CHD5: variants seen among roughly 807,000 people sequenced by gnomAD.
CHD5 encodes the protein ATP-dependent chromatin remodeler CHD5.
CHD5 carries 69 observed loss-of-function variants against 230.3 expected under a neutral mutation model. The ratio of observed to expected loss-of-function variants is 0.30; its 90% CI spans 0.25 to 0.37. CHD5 has a LOEUF of 0.37. CHD5 is among the 10% of genes least tolerant of loss of function. The pLI is 1.00. For synonymous variants in CHD5, 1,064 were observed against 1,065.9 expected (o/e 1.00, Z 0.03); for missense variants, 1,827 against 2,622.8 (o/e 0.70, Z 6.63).
Position 6,156,029 on chromosome 1 carries a change from G to A in CHD5, c.388-312C>T, listed in dbSNP as rs79074194. ...AGAAAGGGAAATCAGCCAGGTGTGG[G>A]CAAGGAGACTGGATGCCTGAGACCA... On this transcript the variant is annotated intron_variant, in intron 3 of 41. Transcript: ENST00000262450. 2.5e-3 allele frequency among the ~76,000 whole-genome samples: 374 copies of A among 152,348 alleles called. 4 individuals carry two copies. Among genetic ancestry groups the A allele is most frequent in the African/African-American group, 8.7e-3 (361 of 41,582 alleles).
intron 1 of CHD5, among the ~76,000 whole-genome samples, chr1:6,178,993 C>T (rs910929685): frequency 6.6e-6 from 1 of 152,206 alleles, no homozygotes; most frequent in African/African-American, 2.4e-5. Flanking sequence ...GTAAGAGTCT[C>T]CCAGAAAGGA....
At chr1:6,106,864 G>GA (rs2100826139) in intron 38 of CHD5, 85 bp from the exon 39 acceptor site, 2 of 549,612 alleles carry the variant, frequency 3.6e-6, no homozygotes, top group East Asian at 6.9e-5. Flanking sequence ...GGATGGAGGG[G>GA]TGGAGGGGTG....
In CHD5 at chr1:6,125,687, G is replaced by C. The variant is rs1666544463; in HGVS notation, c.4172-75C>G. 1 of 1,591,294 alleles carries C rather than the reference G, an allele frequency of 6.3e-7. No homozygotes were observed. The highest frequency in any genetic ancestry group is 1.1e-5 in the South Asian group (1 of 90,620). ...GATCCCCAAGGACAGCGGGACCCCA[G>C]ACCAGCCCCGCTCCTGCTGCCATCA... is the stretch of plus-strand genomic sequence containing the variant. On this transcript the variant is annotated intron_variant, in intron 27 of 41. Coordinates refer to ENST00000262450, the MANE Select transcript of CHD5 (RefSeq NM_015557.3). The surrounding 1 kb of genome is among the most constrained non-coding windows in gnomAD (Gnocchi z 6.7).
At position 6,142,296 on chromosome 1, in the gene CHD5, C is replaced by T. The variant is rs199853430; in HGVS notation, c.2268G>A (p.Ala756=). The T allele has an allele frequency of 5.1e-5, 82 of 1,612,438 alleles. No homozygotes were observed. The Middle Eastern group carries it at 1.8e-3, about 36-fold the overall frequency. ...GHSKGPYLVS[A]PLSTIINWER... Reference sequence around the variant, plus strand: ...CCCAGTTGATGATGGTGGAGAGGGGCGCGCTAACCAGGTAGGGCCCTTTGG... The same window carrying T: ...CCCAGTTGATGATGGTGGAGAGGGGTGCGCTAACCAGGTAGGGCCCTTTGG... The change falls in exon 15 of 42, where the codon GCG becomes GCA. Residue 756 remains alanine (A), a synonymous_variant. Coordinates refer to ENST00000262450, the MANE Select transcript of CHD5 (RefSeq NM_015557.3). This position sits in a 1 kb window ranked among gnomAD's most constrained non-coding sequence, Gnocchi z 5.2.
At chr1:6,117,838 A>G (rs2785581) in intron 33 of CHD5, among the ~76,000 whole-genome samples, 92,369 of 152,020 alleles carry the variant, frequency 0.61, 28,771 homozygotes, top group East Asian at 0.99. Flanking sequence ...CATGCTGGTA[A>G]GAATGTGAAC....
chr1:6,147,674 A>T (rs935221599), intron 9 of CHD5, among the ~76,000 whole-genome samples: 8 of 152,114 alleles, frequency 5.3e-5, no homozygotes, highest in African/African-American at 1.9e-4. Flanking sequence ...TGTCCTCGGA[A>T]ACTCATCCAA....
rs1012198142 is a variant in CHD5 at position 6,102,779 on chromosome 1, C to A, written c.*2695G>T. 1 of 151,992 alleles carries A rather than the reference C, an allele frequency of 6.6e-6. No homozygotes were observed. The highest frequency in any genetic ancestry group is 2.4e-5 in the African/African-American group (1 of 41,374). The allele number at this position is 151,992 out of a possible 1,614,324, so 9.4% of individuals were successfully genotyped here. A position where few individuals can be genotyped will look rare whatever the true frequency, so the allele number is the denominator to read the frequency against. On this transcript the variant is annotated 3_prime_UTR_variant, in exon 42 of 42. Transcript: ENST00000262450. ...CTGCCCCTGGGGGAAGCCAAGTTTG[C>A]AAAAAACGCAGGAGCTTCGGAAGGT...
At chr1:6,157,372 G>A (rs934511229) in intron 3 of CHD5, among the ~76,000 whole-genome samples, 8 of 152,364 alleles carry the variant, frequency 5.3e-5, no homozygotes, top group South Asian at 2.1e-4. Flanking sequence ...TCAGCCATGA[G>A]GGTGCCTGGC....
At chr1:6,108,953 T>C (rs551970989) in intron 38 of CHD5, among the ~76,000 whole-genome samples, 7 of 151,576 alleles carry the variant, frequency 4.6e-5, no homozygotes, top group African/African-American at 1.2e-4. Flanking sequence ...CCAGGGGAGG[T>C]AGCCCGAGAG....
chr1:6,151,904 G>A (rs10864393), intron 6 of CHD5, among the ~76,000 whole-genome samples: 62,276 of 151,938 alleles, frequency 0.41, 14,920 homozygotes, highest in East Asian at 0.67. Context: ...TAAGACCTGG[G>A]CTTAGTGTCT....
At position 6,113,014 on chromosome 1, in the gene CHD5, G is replaced by T; in HGVS notation, c.4913-16C>A. 2 of 1,588,188 alleles carry T rather than the reference G, an allele frequency of 1.3e-6. No homozygotes were observed. The highest frequency in any genetic ancestry group is 8.6e-7 in the Non-Finnish European group (1 of 1,157,030). Reference sequence around the variant, plus strand: ...AGCACCTCCTCTGCAAGAAAAAGAGGGTTCGCGGCATGGGGTGGGGTCCCA... The same window carrying T: ...AGCACCTCCTCTGCAAGAAAAAGAGTGTTCGCGGCATGGGGTGGGGTCCCA... On this transcript the variant is annotated splice_polypyrimidine_tract_variant and intron_variant, in intron 33 of 41. Coordinates refer to ENST00000262450, the MANE Select transcript of CHD5 (RefSeq NM_015557.3).
Position 6,179,935 on chromosome 1 carries a change from C to T in CHD5, c.79+10G>A. ...CGCTCTGGCCCCAGGCGCACCCGCG[C>T]CCCGCTCACCTGACATCTCGTCCTC... On this transcript the variant is annotated intron_variant, in intron 1 of 41. Transcript: ENST00000262450. 1 of 1,314,092 alleles carries T rather than the reference C, an allele frequency of 7.6e-7. No homozygotes were observed. The highest frequency in any genetic ancestry group is 9.9e-7 in the Non-Finnish European group (1 of 1,013,124). 81.4% of individuals were successfully genotyped at this position (1,314,092 alleles called of 1,614,324 possible). A position where few individuals can be genotyped will look rare whatever the true frequency, so the allele number is the denominator to read the frequency against.
chr1:6,127,942 T>G (rs1468950357), intron 25 of CHD5, 104 bp downstream of exon 25: 2 of 970,892 alleles, frequency 2.1e-6, no homozygotes, highest in African/African-American at 2.2e-5. Context: ...GAGGGCTGGC[T>G]GCGGCGGGAG....
intron 2 of CHD5, among the ~76,000 whole-genome samples, chr1:6,166,708 G>A (rs766738768): frequency 8.6e-5 from 13 of 151,688 alleles, no homozygotes; most frequent in Non-Finnish European, 1.0e-4. Context: ...CGAACAAGCC[G>A]GGGAAGTGGA....
chr1:6,142,646 G>A lies in CHD5; in HGVS notation c.2044-41C>T. On this transcript the variant is annotated intron_variant, in intron 13 of 41. Coordinates refer to ENST00000262450, the MANE Select transcript of CHD5 (RefSeq NM_015557.3). The surrounding 1 kb of genome is among the most constrained non-coding windows in gnomAD (Gnocchi z 5.2). ...CGGTTCAGACACGCCCCAGATCCTG[G>A]GCCACCAGAGTCCACACTACAGGCC... 1 of 1,578,994 alleles carries A rather than the reference G, an allele frequency of 6.3e-7. No homozygotes were observed. The highest frequency in any genetic ancestry group is 8.6e-7 in the Non-Finnish European group (1 of 1,162,128).
chr1:6,111,517 G>C (rs1293273038), intron 36 of CHD5, among the ~76,000 whole-genome samples: 1 of 148,750 alleles, frequency 6.7e-6, no homozygotes, highest in Non-Finnish European at 1.5e-5. Context: ...CTGGGTGACA[G>C]AGTGAAACTC....
chr1:6,146,396 G>C lies in CHD5; in HGVS notation c.1618C>G (p.Arg540Gly). The change falls in exon 11 of 42, where the codon CGC (arginine) becomes GGC (glycine). Residue 540 changes from arginine to glycine, a missense_variant. Around this residue, in one of 14 missense-constraint regions of CHD5, gnomAD observed 657 missense variants for 816.4 expected, o/e 0.80. Transcript: ENST00000262450. The surrounding 1 kb of genome is among the most constrained non-coding windows in gnomAD (Gnocchi z 5.1). ...ATGTCGTTCTTTCTTTGGTAGTTGC[G>C]ATACATCACCGTGTGGTACAGCTCC... is the stretch of plus-strand genomic sequence containing the variant. Reference protein sequence around the residue: ...QLELYHTVMYRNYQRKNDMDE... With the variant: ...QLELYHTVMYGNYQRKNDMDE... The C allele has an allele frequency of 2.5e-6, 4 of 1,614,032 alleles. No individual in the cohort carries two copies. The highest frequency in any genetic ancestry group is 3.4e-6 in the Non-Finnish European group (4 of 1,179,992).
In CHD5 at chr1:6,121,362, C is replaced by G; in HGVS notation, c.4780-125G>C. On this transcript the variant is annotated intron_variant, in intron 32 of 41. Coordinates refer to ENST00000262450, the MANE Select transcript of CHD5 (RefSeq NM_015557.3). This position sits in a 1 kb window ranked among gnomAD's most constrained non-coding sequence, Gnocchi z 4.5. ...CGTCGCTTGCTCCTAGCCTGCTCCCCGCCGATTCAGAGCCCCGAAAAGGGA... is the reference window on the plus strand; with the variant it reads ...CGTCGCTTGCTCCTAGCCTGCTCCCGGCCGATTCAGAGCCCCGAAAAGGGA... 6.6e-7 allele frequency: 1 copy of G among 1,507,906 alleles called. No individual in the cohort carries two copies. The highest frequency in any genetic ancestry group is 9.1e-7 in the Non-Finnish European group (1 of 1,101,294). 93.4% of individuals were successfully genotyped at this position (1,507,906 alleles called of 1,614,324 possible). A position where few individuals can be genotyped will look rare whatever the true frequency, so the allele number is the denominator to read the frequency against.
rs1189149224 is a variant in CHD5 at position 6,134,401 on chromosome 1, A to G, written c.3013-142T>C. ...CCACTGAACATGAGACCCACACCCG[A>G]GCCAGGCCAGGCCCCACAGTGCGGG... is the stretch of plus-strand genomic sequence containing the variant. On this transcript the variant is annotated intron_variant, in intron 19 of 41. Coordinates refer to ENST00000262450, the MANE Select transcript of CHD5 (RefSeq NM_015557.3). This position sits in a 1 kb window ranked among gnomAD's most constrained non-coding sequence, Gnocchi z 6.3. The G allele has an allele frequency of 1.9e-6, 2 of 1,076,736 alleles. No individual in the cohort carries two copies. The highest frequency in any genetic ancestry group is 3.1e-5 in the African/African-American group (2 of 63,662). 66.7% of individuals were successfully genotyped at this position (1,076,736 alleles called of 1,614,324 possible).
Sources: gnomAD v4.1 joint callset for allele counts (sites outside exome capture counted in the v4.1 genomes callset) on GRCh38, gnomAD v4.1.1 for gene constraint, gnomAD v4.1.1 regional missense constraint, Gnocchi (gnomAD v3.1) non-coding constraint, MANE v1.5 for transcripts, NCBI Gene and HGNC (gene_info 2026-07-23, HGNC 2026-07-21) for gene names.